The following CADM1 variants were observed in gnomAD, a reference collection of about 807,000 sequenced individuals.
The protein encoded by CADM1 is TSLC-1.
CADM1 carries 15 observed loss-of-function variants against 53.1 expected under a neutral mutation model. The ratio of observed to expected loss-of-function variants is 0.28; its 90% confidence interval spans 0.19 to 0.44. CADM1 has a LOEUF of 0.44. Among genes scored for constraint, CADM1 ranks in the 20% least tolerant of loss-of-function variants. CADM1 has a pLI of 1.00. For synonymous variants in CADM1, 281 were observed against 243.0 expected (o/e 1.16, Z -1.45); for missense variants, 434 against 611.3 (o/e 0.71, Z 3.06).
intron 5 of CADM1, among the ~76,000 whole-genome samples, chr11:115,225,983 T>C (rs1021187440): frequency 1.3e-5 from 2 of 152,036 alleles, no homozygotes; most frequent in Non-Finnish European, 1.5e-5. Context: ...TTAATACCAA[T>C]AGTATCAGAT....
At chr11:115,419,185 C>T (rs1947691404) in intron 1 of CADM1, among the ~76,000 whole-genome samples, 1 of 152,130 alleles carries the variant, frequency 6.6e-6, no homozygotes, top group African/African-American at 2.4e-5. Flanking sequence ...TCTTTCAACC[C>T]ATCTTTATGC....
chr11:115,295,550 A>AC (rs371584699), intron 1 of CADM1, among the ~76,000 whole-genome samples: 1 of 53,004 alleles, frequency 1.9e-5, no homozygotes, highest in African/African-American at 1.3e-4. Context: ...ATATATATAT[A>AC]ATATATATGT....
intron 1 of CADM1, among the ~76,000 whole-genome samples, chr11:115,267,371 G>A (rs1351448775): frequency 6.6e-6 from 1 of 152,192 alleles, no homozygotes; most frequent in Non-Finnish European, 1.5e-5. Flanking sequence ...TTTTCCACAA[G>A]CCAAGAGCTT....
At chr11:115,188,013 C>T (rs1038096391) in intron 10 of CADM1, among the ~76,000 whole-genome samples, 4 of 152,136 alleles carry the variant, frequency 2.6e-5, no homozygotes, top group Non-Finnish European at 5.9e-5. Flanking sequence ...GCTTCCAAAT[C>T]AGAAGACTGA....
chr11:115,284,114 C>CTCTCTCTCTCTCTCTCTCTGTGTGTG (rs1351842329), intron 1 of CADM1, among the ~76,000 whole-genome samples: 3 of 98,680 alleles, frequency 3.0e-5, no homozygotes, highest in Non-Finnish European at 4.2e-5. Flanking sequence ...CTCTCTCTCT[C>CTCTCTCTCTCTCTCTCTCTGTGTGTG]TGTGTGTGTG....
chr11:115,169,370 A>T lies in CADM1; in HGVS notation c.*7104T>A, dbSNP rs948931258. The T allele has an allele frequency of 2.9e-6, 1 of 340,772 alleles. No individual in the cohort carries two copies. Among genetic ancestry groups the T allele is most frequent in the African/African-American group, 2.1e-5 (1 of 46,540 alleles). 21.1% of individuals were successfully genotyped at this position (340,772 alleles called of 1,614,324 possible). A position where few individuals can be genotyped will look rare whatever the true frequency, so the allele number is the denominator to read the frequency against. On this transcript the variant is annotated 3_prime_UTR_variant, in exon 12 of 12. Transcript: ENST00000331581. Reference sequence around the variant, plus strand: ...TCTATTATTTTCCATAAACTGTCTTAAGCATCTCCCGGGCTACATTTCTGG... The same window carrying T: ...TCTATTATTTTCCATAAACTGTCTTTAGCATCTCCCGGGCTACATTTCTGG...
At chr11:115,488,142 A>G (rs956868402) in intron 1 of CADM1, among the ~76,000 whole-genome samples, 7 of 152,164 alleles carry the variant, frequency 4.6e-5, no homozygotes, top group African/African-American at 9.7e-5. Flanking sequence ...TCCACTCACA[A>G]TGCCTAAGAA....
intron 1 of CADM1, among the ~76,000 whole-genome samples, chr11:115,321,844 T>C (rs1332137424): frequency 6.6e-6 from 1 of 152,180 alleles, no homozygotes; most frequent in African/African-American, 2.4e-5. Flanking sequence ...AATGCAATCA[T>C]CACCCACAAA....
At chr11:115,221,876 T>A (rs1336791830) in intron 5 of CADM1, among the ~76,000 whole-genome samples, 1 of 152,124 alleles carries the variant, frequency 6.6e-6, no homozygotes, top group Non-Finnish European at 1.5e-5. Flanking sequence ...AGACCTATTA[T>A]CCCTGGAGTC....
intron 1 of CADM1, among the ~76,000 whole-genome samples, chr11:115,410,934 A>T (rs1434968587): frequency 6.6e-6 from 1 of 152,186 alleles, no homozygotes; most frequent in Non-Finnish European, 1.5e-5. Flanking sequence ...GACCATAAAA[A>T]GGATTCTTAA....
intron 1 of CADM1, among the ~76,000 whole-genome samples, chr11:115,292,888 T>A (rs1943942573): frequency 6.6e-6 from 1 of 152,210 alleles, no homozygotes; most frequent in Non-Finnish European, 1.5e-5. Context: ...ATATTGATAT[T>A]CTAATTTAGG....
At chr11:115,427,613 A>C (rs1947923790) in intron 1 of CADM1, among the ~76,000 whole-genome samples, 1 of 152,218 alleles carries the variant, frequency 6.6e-6, no homozygotes, top group Non-Finnish European at 1.5e-5. Context: ...ATCAGTGGAG[A>C]CTTTAGCATT....
chr11:115,314,316 G>A (rs749112223), intron 1 of CADM1, among the ~76,000 whole-genome samples: 8 of 152,100 alleles, frequency 5.3e-5, no homozygotes, highest in Non-Finnish European at 8.8e-5. Context: ...TAATGAGCTC[G>A]GGTCCCTATT....
chr11:115,487,667 A>G lies in CADM1; in HGVS notation c.124+16604T>C, dbSNP rs1014574124. The stretch of plus-strand genomic sequence containing the variant: ...AGGAATAATAATTCAAAAGGAAAAG[A>G]AAACTGAACAGTGGTTAAAGAATCA... On this transcript the variant is annotated intron_variant, in intron 1 of 11. Coordinates refer to ENST00000331581, the MANE Select transcript of CADM1 (RefSeq NM_001301043.2). Among the ~76,000 whole-genome samples the G allele has an allele frequency of 2.0e-4, 30 of 152,370 alleles. No individual in the cohort carries two copies. In the East Asian group the frequency reaches 5.6e-3, roughly 28 times the overall value.
rs220844 is a variant in CADM1 at position 115,414,551 on chromosome 11, C to T, written c.124+89720G>A. Among the ~76,000 whole-genome samples, 365 of 152,100 alleles carry T rather than the reference C, an allele frequency of 2.4e-3. 2 individuals are homozygous for T. Among genetic ancestry groups the T allele is most frequent in the African/African-American group, 7.9e-3 (329 of 41,510 alleles). On this transcript the variant is annotated intron_variant, in intron 1 of 11. Transcript: ENST00000331581. ...AAATTTGTAAATCTCATCAAAGGAA[C>T]AGAATTTGGTAAAATCAATGAAAGT...
At chr11:115,315,573 A>T (rs10750072) in intron 1 of CADM1, among the ~76,000 whole-genome samples, 152,141 of 152,142 alleles carry the variant, frequency 1, 76,070 homozygotes, top group Non-Finnish European at 1. Context: ...CCACCTCTCC[A>T]GAAAACCTGC....
chr11:115,481,730 C>T (rs1195775577), intron 1 of CADM1, among the ~76,000 whole-genome samples: 2 of 152,248 alleles, frequency 1.3e-5, no homozygotes, highest in South Asian at 2.1e-4. Flanking sequence ...ACCTAGACTC[C>T]TCCTCTTCCC....
chr11:115,314,388 A>C (rs1330004168), intron 1 of CADM1, among the ~76,000 whole-genome samples: 1 of 152,178 alleles, frequency 6.6e-6, no homozygotes, highest in Admixed American at 6.6e-5. Flanking sequence ...TATGAATATA[A>C]AAAGTTCACA....
intron 1 of CADM1, among the ~76,000 whole-genome samples, chr11:115,478,669 C>T (rs1213084707): frequency 6.6e-6 from 1 of 152,132 alleles, no homozygotes; most frequent in Non-Finnish European, 1.5e-5. Flanking sequence ...TAATCTCACT[C>T]TCTAGAGATA....
Sources: gnomAD v4.1 joint callset for allele counts (sites outside exome capture counted in the v4.1 genomes callset) on GRCh38, gnomAD v4.1.1 for gene constraint, MANE v1.5 for transcripts, NCBI Gene and HGNC (gene_info 2026-07-23, HGNC 2026-07-21) for gene names.